NCOR2: variants seen among roughly 807,000 people sequenced by gnomAD.
NCOR2 encodes the protein CTG repeat protein 26.
Under a neutral mutation model 262.9 loss-of-function variants are expected in NCOR2, and 81 were observed. That is an observed-to-expected ratio of 0.31 (90% CI 0.26 to 0.37). NCOR2 has a LOEUF of 0.37. Among genes scored for constraint, NCOR2 ranks in the 10% least tolerant of loss-of-function variants. NCOR2 has a pLI of 1.00. For synonymous variants in NCOR2, 1,659 were observed against 1,559.3 expected, an observed-to-expected ratio of 1.06 and a Z score of -1.51; for missense variants, 3,385 against 3,621.4, an observed-to-expected ratio of 0.93 and a Z score of 1.68.
chr12:124,511,742 G>C (rs2049406387), intron 1 of NCOR2, among the ~76,000 whole-genome samples: 1 of 152,134 alleles, frequency 6.6e-6, no homozygotes, highest in Non-Finnish European at 1.5e-5. Flanking sequence ...AGGCACAAAG[G>C]GGTTCTCGGC....
chr12:124,536,244 T>C (rs112371452), upstream of NCOR2, among the ~76,000 whole-genome samples: 273 of 152,184 alleles, frequency 1.8e-3, no homozygotes, highest in Non-Finnish European at 3.1e-3. Flanking sequence ...GCCCGGCTAA[T>C]TTTTGTATTT....
intron 18 of NCOR2, among the ~76,000 whole-genome samples, chr12:124,376,866 C>A (rs1294226330): frequency 2.6e-5 from 4 of 152,184 alleles, no homozygotes; most frequent in Non-Finnish European, 4.4e-5. Context: ...TTGAATTCAC[C>A]AAGGACTTGG....
chr12:124,351,638 G>A (rs1356575074), intron 27 of NCOR2, among the ~76,000 whole-genome samples: 2 of 152,276 alleles, frequency 1.3e-5, no homozygotes, highest in East Asian at 3.9e-4. Context: ...TGACTTTCAA[G>A]AACACAAGCA....
intron 17 of NCOR2, chr12:124,383,437 C>A (rs946544890): frequency 3.3e-6 from 2 of 613,370 alleles, no homozygotes; most frequent in African/African-American, 2.0e-5. Flanking sequence ...CTGGTGGTCA[C>A]CACACTCAAC....
At chr12:124,563,156 A>T (rs2052125070) in intron 1 of NCOR2, among the ~76,000 whole-genome samples, 1 of 152,150 alleles carries the variant, frequency 6.6e-6, no homozygotes, top group Non-Finnish European at 1.5e-5. Context: ...AGCAAGGGGC[A>T]CTCACCTGGG....
In NCOR2 at chr12:124,563,389, G is replaced by A. The variant is rs1417482078; in HGVS notation, c.-165+3919C>T. On this transcript the variant is annotated intron_variant, in intron 1 of 32. Coordinates refer to the NCOR2 transcript ENST00000458234. ...AGAAGCCTCACTCTGCTCCAAAATA[G>A]ACATGATAATAACAATGATGCTAAG... Among the ~76,000 whole-genome samples the A allele has an allele frequency of 2.6e-5, 4 of 152,242 alleles. No homozygotes were observed. The East Asian group carries it at 5.8e-4, about 22-fold the overall frequency.
rs567909087 is a variant in NCOR2, at chr12:124,365,652, G to A, written c.2808-1853C>T. ...AGGCTGCCCATGGCGCACAGACGGGGGCCAGACGAGGAAGGTCACCCTGAC... is the reference window on the plus strand; with the variant it reads ...AGGCTGCCCATGGCGCACAGACGGGAGCCAGACGAGGAAGGTCACCCTGAC... On this transcript the variant is annotated intron_variant, in intron 20 of 46. Coordinates refer to ENST00000405201, the Ensembl canonical transcript of NCOR2. Among the ~76,000 whole-genome samples, 11 of 152,228 alleles carry A rather than the reference G, an allele frequency of 7.2e-5. 3 individuals are homozygous for A. Among genetic ancestry groups the A allele is most frequent in the African/African-American group, 2.4e-4 (10 of 41,516 alleles).
At chr12:124,509,237 G>GT (rs1555234140) in intron 1 of NCOR2, among the ~76,000 whole-genome samples, 1 of 100,318 alleles carries the variant, frequency 1.0e-5, no homozygotes, top group Non-Finnish European at 2.5e-5. Context: ...GGCTTTGGTG[G>GT]GGGGGGGGGG....
intron 13 of NCOR2, among the ~76,000 whole-genome samples, chr12:124,419,303 A>G (rs1465843814): frequency 6.6e-6 from 1 of 152,216 alleles, no homozygotes; most frequent in African/African-American, 2.4e-5. Context: ...GGTCACAACC[A>G]TGCAACTCCA....
intron 17 of NCOR2, among the ~76,000 whole-genome samples, chr12:124,381,939 G>T (rs923958954): frequency 2.0e-5 from 3 of 152,214 alleles, no homozygotes; most frequent in South Asian, 2.1e-4. Flanking sequence ...CCGCCCGGCC[G>T]CCGGATCCTG....
chr12:124,492,436 G>A (rs77475618), intron 1 of NCOR2, among the ~76,000 whole-genome samples: 6,965 of 152,222 alleles, frequency 0.046, 234 homozygotes, highest in Non-Finnish European at 0.067. Context: ...AAGCAGCCCC[G>A]TGCCCAAAGC....
At chr12:124,476,902 T>TAAAAA (rs60593594) in intron 3 of NCOR2, among the ~76,000 whole-genome samples, 1 of 142,504 alleles carries the variant, frequency 7.0e-6, no homozygotes, top group Non-Finnish European at 1.5e-5. Context: ...CCATCTTTAT[T>TAAAAA]AAAAAAAAAA....
intron 6 of NCOR2, among the ~76,000 whole-genome samples, chr12:124,455,223 T>C (rs1000554569): frequency 6.6e-6 from 1 of 152,224 alleles, no homozygotes; most frequent in Non-Finnish European, 1.5e-5. Context: ...TTTGAGTGAA[T>C]GGCATGCGTG....
intron 31 of NCOR2, among the ~76,000 whole-genome samples, chr12:124,345,386 G>A (rs974901135): frequency 2.0e-5 from 3 of 152,140 alleles, no homozygotes; most frequent in Non-Finnish European, 4.4e-5. Context: ...CCGCCCTGAG[G>A]CTTTCAGCCC....
At chr12:124,372,192 G>A (rs755448462) in exon 20 of NCOR2, 17 of 1,601,654 alleles carry the variant, frequency 1.1e-5, no homozygotes, top group Middle Eastern at 3.3e-4. Flanking sequence ...CGGCCTCCGC[G>A]TCCTTGCCCT....
At chr12:124,505,717 G>A (rs1215193542) in intron 1 of NCOR2, among the ~76,000 whole-genome samples, 1 of 152,080 alleles carries the variant, frequency 6.6e-6, no homozygotes, top group Non-Finnish European at 1.5e-5. Flanking sequence ...CCACAGAAGA[G>A]CCCCCAGAAG....
intron 5 of NCOR2, among the ~76,000 whole-genome samples, chr12:124,462,760 C>T (rs1212458274): frequency 6.6e-6 from 1 of 152,238 alleles, no homozygotes; most frequent in Admixed American, 6.5e-5. Flanking sequence ...AAAGGCTCTA[C>T]TGAATGCTTC....
At chr12:124,565,983 C>G (rs1194981554) in intron 1 of NCOR2, among the ~76,000 whole-genome samples, 1 of 152,092 alleles carries the variant, frequency 6.6e-6, no homozygotes. Flanking sequence ...GCAGTCTGGC[C>G]CGGAGAGCCC....
At chr12:124,350,759 C>A (rs747287262) in intron 27 of NCOR2, 22 bp from the exon 30 acceptor site, 5 of 1,601,056 alleles carry the variant, frequency 3.1e-6, no homozygotes, top group Middle Eastern at 1.7e-4. Flanking sequence ...GAGGGGTGAG[C>A]GCCCAGGAGG....
Sources: allele counts gnomAD v4.1 joint callset (sites outside exome capture counted in the v4.1 genomes callset), GRCh38; gene constraint gnomAD v4.1.1; transcripts MANE v1.5; gene names NCBI Gene and HGNC (gene_info 2026-07-23, HGNC 2026-07-21).